Variants in FBXW8 observed in about 807,000 individuals in gnomAD.
FBXW8 encodes F-box/WD repeat-containing protein 8.
Under a neutral mutation model 65.3 loss-of-function variants are expected in FBXW8, and 57 were observed. The ratio of observed to expected loss-of-function variants is 0.87; its 90% CI spans 0.71 to 1.09. FBXW8 has a LOEUF of 1.09. FBXW8 is among the 50% of genes least tolerant of loss of function. FBXW8 has a pLI of 0.00. For synonymous variants in FBXW8, 308 were observed against 330.2 expected (o/e 0.93, Z 0.73); for missense variants, 777 against 814.8 (o/e 0.95, Z 0.57).
chr12:116,995,882 T>G (rs187841777), intron 7 of FBXW8, among the ~76,000 whole-genome samples: 2 of 152,356 alleles, frequency 1.3e-5, no homozygotes, highest in East Asian at 3.9e-4. Flanking sequence ...AAAATCTGCT[T>G]TTATGTCTCA....
chr12:117,028,339 G>A lies in FBXW8; in HGVS notation c.*167G>A, dbSNP rs187246129. 58 of 819,060 alleles carry A rather than the reference G, an allele frequency of 7.1e-5. No homozygotes were observed. In the East Asian group the frequency reaches 1.1e-3, roughly 16 times the overall value. The allele number at this position is 819,060 out of a possible 1,614,324, so 50.7% of individuals were successfully genotyped here. A position where few individuals can be genotyped will look rare whatever the true frequency, so the allele number is the denominator to read the frequency against. The stretch of plus-strand genomic sequence containing the variant: ...CCCTGACCCCTGCACTTCCCCCAGC[G>A]CCTGGGGCAAGCTGGCGTGTGCCAG... On this transcript the variant is annotated 3_prime_UTR_variant, in exon 11 of 11. Coordinates refer to ENST00000652555, the MANE Select transcript of FBXW8 (RefSeq NM_153348.3). The surrounding 1 kb of genome is among the most constrained non-coding windows in gnomAD (Gnocchi z 4.1).
chr12:117,027,036 T>C (rs893435619), intron 9 of FBXW8, among the ~76,000 whole-genome samples: 6 of 152,000 alleles, frequency 3.9e-5, no homozygotes, highest in African/African-American at 1.2e-4. Flanking sequence ...CTGGGAAAGC[T>C]CAAGGGACTT....
chr12:117,018,480 C>T (rs998739503), intron 8 of FBXW8, among the ~76,000 whole-genome samples: 2 of 152,196 alleles, frequency 1.3e-5, no homozygotes, highest in East Asian at 1.9e-4. Flanking sequence ...TTTGCCAAGG[C>T]GCACGGCATT....
chr12:117,014,794 A>G (rs1953908907), intron 8 of FBXW8, among the ~76,000 whole-genome samples: 1 of 152,132 alleles, frequency 6.6e-6, no homozygotes, highest in Non-Finnish European at 1.5e-5. Context: ...TCCTGCTTTG[A>G]ATCTGTCCCA....
chr12:116,911,029 G>A lies in FBXW8; in HGVS notation c.-9G>A, dbSNP rs1879870899. 3.5e-6 allele frequency: 5 copies of A among 1,412,110 alleles called. No individual in the cohort carries two copies. Among genetic ancestry groups the A allele is most frequent in the Non-Finnish European group, 2.8e-6 (3 of 1,087,412 alleles). 87.5% of individuals were successfully genotyped at this position (1,412,110 alleles called of 1,614,324 possible). ...CCGAGGAGAACGTGGAGCGCCGGGA[G>A]CGGCGAATATGGACGACTACAGCCT... On this transcript the variant is annotated 5_prime_UTR_variant, in exon 1 of 11. Coordinates refer to ENST00000652555, the MANE Select transcript of FBXW8 (RefSeq NM_153348.3).
rs1007681829 is a variant in FBXW8 at position 117,029,253 on chromosome 12, T to C, written c.*1081T>C. 4 of 152,212 alleles carry C rather than the reference T, an allele frequency of 2.6e-5. No individual in the cohort carries two copies. Among genetic ancestry groups the C allele is most frequent in the African/African-American group, 9.7e-5 (4 of 41,420 alleles). The allele number at this position is 152,212 out of a possible 1,614,324, so 9.4% of individuals were successfully genotyped here. A position where few individuals can be genotyped will look rare whatever the true frequency, so the allele number is the denominator to read the frequency against. Reference sequence around the variant, plus strand: ...ATAGAATCCCCCAACCCCAAGACACTGCACCCTATGGGCTATACCCTCAGG... The same window carrying C: ...ATAGAATCCCCCAACCCCAAGACACCGCACCCTATGGGCTATACCCTCAGG... On this transcript the variant is annotated 3_prime_UTR_variant, in exon 11 of 11. Coordinates refer to ENST00000652555, the MANE Select transcript of FBXW8 (RefSeq NM_153348.3).
At chr12:116,977,548 T>A (rs1447960232) in intron 5 of FBXW8, 1 of 152,234 alleles carries the variant, frequency 6.6e-6, no homozygotes, top group East Asian at 1.9e-4. Context: ...GTGATCTTTT[T>A]TTTTTAATCT....
chr12:116,925,584 A>C (rs191569798), intron 1 of FBXW8, among the ~76,000 whole-genome samples: 2 of 152,236 alleles, frequency 1.3e-5, no homozygotes, highest in Non-Finnish European at 2.9e-5. Flanking sequence ...GGTCATCTAC[A>C]TGAAAGTCTG....
intron 6 of FBXW8, 48 bp from the exon 7 acceptor site, chr12:116,988,615 C>A: frequency 6.4e-7 from 1 of 1,555,666 alleles, no homozygotes; most frequent in South Asian, 1.1e-5. Flanking sequence ...TATTTTTGAT[C>A]AAGTCAGGAT....
intron 1 of FBXW8, 129 bp from the exon 2 acceptor site, chr12:116,927,894 C>G (rs1881451202): frequency 3.3e-6 from 2 of 611,638 alleles, no homozygotes; most frequent in East Asian, 5.7e-5. Flanking sequence ...GGATGCCTCC[C>G]TCCTGGGAAA....
At chr12:116,988,908 TA>T in intron 7 of FBXW8, 39 bp downstream of exon 7, 1 of 1,547,476 alleles carries the variant, frequency 6.5e-7, no homozygotes, top group South Asian at 1.2e-5. Flanking sequence ...CAAAAAAGAA[TA>T]TAGATTTATT....
At chr12:116,957,418 T>A (rs1883720343) in intron 4 of FBXW8, among the ~76,000 whole-genome samples, 1 of 152,238 alleles carries the variant, frequency 6.6e-6, no homozygotes, top group Admixed American at 6.5e-5. Context: ...AGCTTTAATG[T>A]GAATACGTAT....
At chr12:116,927,966 T>C (rs1881454204) in intron 1 of FBXW8, 57 bp from the exon 2 acceptor site, 3 of 1,097,042 alleles carry the variant, frequency 2.7e-6, no homozygotes, top group Non-Finnish European at 4.1e-6. Context: ...GCCTGTAAAT[T>C]TGAGTTATTT....
At chr12:117,025,104 T>C (rs1343981260) in intron 9 of FBXW8, among the ~76,000 whole-genome samples, 2 of 152,166 alleles carry the variant, frequency 1.3e-5, no homozygotes, top group Non-Finnish European at 2.9e-5. Flanking sequence ...TACCTGGCCC[T>C]GCAGGCCTCG....
At chr12:116,983,503 G>A (rs1885458817) in intron 5 of FBXW8, among the ~76,000 whole-genome samples, 1 of 152,166 alleles carries the variant, frequency 6.6e-6, no homozygotes, top group Non-Finnish European at 1.5e-5. Flanking sequence ...GTCTGGCAAA[G>A]CAGCCCAAAT....
At chr12:116,993,173 G>A (rs932806589) in intron 7 of FBXW8, among the ~76,000 whole-genome samples, 5 of 129,942 alleles carry the variant, frequency 3.8e-5, no homozygotes, top group South Asian at 2.4e-4. Flanking sequence ...GTGTGATCTC[G>A]GCTCACTGCA....
intron 4 of FBXW8, among the ~76,000 whole-genome samples, chr12:116,962,567 G>T (rs1884051461): frequency 6.6e-6 from 1 of 152,174 alleles, no homozygotes; most frequent in Admixed American, 6.5e-5. Flanking sequence ...GACAGAGACT[G>T]GCAAGAAGGA....
Position 117,016,281 on chromosome 12 carries a change from G to A in FBXW8, c.1367+5831G>A, listed in dbSNP as rs1467743465. 2.0e-5 allele frequency among the ~76,000 whole-genome samples: 3 copies of A among 152,162 alleles called. No homozygotes were observed. In the East Asian group the frequency reaches 5.8e-4, roughly 29 times the overall value. On this transcript the variant is annotated intron_variant, in intron 8 of 10. Transcript: ENST00000652555. ...GCTGTACCATTTTACATTCCCACCAGCACTGGATGAGGGTTGTAGTTTCTC... is the reference window on the plus strand; with the variant it reads ...GCTGTACCATTTTACATTCCCACCAACACTGGATGAGGGTTGTAGTTTCTC...
At chr12:116,939,062 A>G (rs1332934774) in intron 2 of FBXW8, among the ~76,000 whole-genome samples, 1 of 152,188 alleles carries the variant, frequency 6.6e-6, no homozygotes, top group Non-Finnish European at 1.5e-5. Context: ...CGGTAACCCA[A>G]ATCAGTGTTC....
Sources: allele counts gnomAD v4.1 joint callset (sites outside exome capture counted in the v4.1 genomes callset), GRCh38; gene constraint gnomAD v4.1.1; non-coding constraint Gnocchi (gnomAD v3.1); transcripts MANE v1.5; gene names NCBI Gene and HGNC (gene_info 2026-07-23, HGNC 2026-07-21).